CNTN5: variants seen among roughly 807,000 people sequenced by gnomAD.
The protein encoded by CNTN5 is contactin 5, also known as contactin-5.
A neutral mutation model predicts 129.1 loss-of-function variants in CNTN5; 77 were observed. That is an observed-to-expected ratio of 0.60 (90% CI 0.50 to 0.72). The LOEUF is 0.72. Ranked by LOEUF, CNTN5 falls within the 30% of genes least tolerant of loss-of-function variation. CNTN5 has a pLI of 0.00. For synonymous variants in CNTN5, 509 were observed against 465.6 expected, an observed-to-expected ratio of 1.09 and a Z score of -1.20; for missense variants, 1,478 against 1,328.8, an observed-to-expected ratio of 1.11 and a Z score of -1.75.
intron 6 of CNTN5, among the ~76,000 whole-genome samples, chr11:99,913,676 C>T (rs958980094): frequency 2.6e-5 from 4 of 151,932 alleles, no homozygotes; most frequent in African/African-American, 4.8e-5. Flanking sequence ...ATTTTCTTTT[C>T]TTTGTGTGTT....
rs1370877499 is a variant in CNTN5, at chr11:100,046,055, C to A, written c.981-15157C>A. On this transcript the variant is annotated intron_variant, in intron 9 of 24. Coordinates refer to ENST00000524871, the MANE Select transcript of CNTN5 (RefSeq NM_014361.4). Reference sequence around the variant, plus strand: ...ATGGGCCATGCTGGTGTGCTGCACCCATTAACTCACTCATAGGTGGGAATT... The same window carrying A: ...ATGGGCCATGCTGGTGTGCTGCACCAATTAACTCACTCATAGGTGGGAATT... Among the ~76,000 whole-genome samples, 4 of 146,258 alleles carry A rather than the reference C, an allele frequency of 2.7e-5. No individual in the cohort carries two copies. In the East Asian group the frequency reaches 8.1e-4, roughly 30 times the overall value.
chr11:99,499,902 G>A (rs1485130390), intron 2 of CNTN5, among the ~76,000 whole-genome samples: 5 of 152,234 alleles, frequency 3.3e-5, no homozygotes, highest in Non-Finnish European at 5.9e-5. Flanking sequence ...CATAGAAAAA[G>A]TTAGACTTAC....
intron 10 of CNTN5, among the ~76,000 whole-genome samples, chr11:100,063,121 G>A (rs1943549047): frequency 6.6e-6 from 1 of 152,036 alleles, no homozygotes; most frequent in African/African-American, 2.4e-5. Context: ...CACCTAAATA[G>A]AATTAGATTG....
intron 21 of CNTN5, among the ~76,000 whole-genome samples, chr11:100,311,908 A>C (rs1951480736): frequency 6.6e-6 from 1 of 152,078 alleles, no homozygotes; most frequent in Non-Finnish European, 1.5e-5. Flanking sequence ...AGCTTCATTC[A>C]AAATAACTTA....
At chr11:99,811,999 A>G (rs888565263) in intron 3 of CNTN5, among the ~76,000 whole-genome samples, 2 of 152,128 alleles carry the variant, frequency 1.3e-5, no homozygotes, top group East Asian at 1.9e-4. Flanking sequence ...GATGCTAATT[A>G]TCCGTCCTGT....
chr11:99,534,720 T>G (rs1947839255), intron 2 of CNTN5, among the ~76,000 whole-genome samples: 1 of 152,190 alleles, frequency 6.6e-6, no homozygotes, highest in Non-Finnish European at 1.5e-5. Flanking sequence ...ATCACACTAA[T>G]AAATGTGTAA....
intron 1 of CNTN5, among the ~76,000 whole-genome samples, chr11:99,156,361 ATTT>A (rs909224903): frequency 6.6e-6 from 1 of 152,030 alleles, no homozygotes; most frequent in Non-Finnish European, 1.5e-5. Context: ...CAATAATTGG[ATTT>A]TTTTATCATC....
chr11:99,446,545 A>G (rs758485260), intron 2 of CNTN5, among the ~76,000 whole-genome samples: 2 of 152,192 alleles, frequency 1.3e-5, no homozygotes, highest in Non-Finnish European at 2.9e-5. Flanking sequence ...AAAGATGTAA[A>G]GTTAGCCTTG....
intron 3 of CNTN5, among the ~76,000 whole-genome samples, chr11:99,812,995 CTGGTAAAATCTTACCAATTTACCAAT>C (rs147637330): frequency 0.16 from 24,277 of 151,766 alleles, 2,033 homozygotes; most frequent in Non-Finnish European, 0.17. Context: ...ATTTTACCAA[CTGGTAAAATCTTACCAATTTACCAAT>C]TGGTAAAATC....
At chr11:100,242,836 C>A (rs1405059675) in intron 16 of CNTN5, among the ~76,000 whole-genome samples, 1 of 152,182 alleles carries the variant, frequency 6.6e-6, no homozygotes, top group Non-Finnish European at 1.5e-5. Context: ...AGACTAATTA[C>A]ATTTTTAAAA....
chr11:99,841,860 A>C (rs1384991250), intron 4 of CNTN5, among the ~76,000 whole-genome samples: 1 of 137,864 alleles, frequency 7.3e-6, no homozygotes, highest in African/African-American at 2.6e-5. Flanking sequence ...ACATATATAT[A>C]CACACATATA....
At chr11:99,133,601 G>T (rs1215462489) in intron 1 of CNTN5, among the ~76,000 whole-genome samples, 1 of 43,686 alleles carries the variant, frequency 2.3e-5, no homozygotes, top group African/African-American at 1.1e-4. Flanking sequence ...CAAAGGATAG[G>T]AACAGACACT....
chr11:99,127,401 T>G (rs1858694564), intron 1 of CNTN5, among the ~76,000 whole-genome samples: 2 of 152,188 alleles, frequency 1.3e-5, no homozygotes, highest in Admixed American at 1.3e-4. Flanking sequence ...TAATATTATC[T>G]TCTCATCCGG....
intron 13 of CNTN5, among the ~76,000 whole-genome samples, chr11:100,103,348 C>T (rs1945292363): frequency 6.6e-6 from 1 of 152,092 alleles, no homozygotes; most frequent in African/African-American, 2.4e-5. Flanking sequence ...AGTATTTTGC[C>T]TAATTCTGAT....
At chr11:99,744,542 TTAA>T (rs1943986367) in intron 3 of CNTN5, among the ~76,000 whole-genome samples, 1 of 14,216 alleles carries the variant, frequency 7.0e-5, no homozygotes. Flanking sequence ...CTACAAAAAG[TTAA>T]AAAAAAAAAA....
rs869133131 is a variant in CNTN5 at position 99,637,010 on chromosome 11, C to CAAAAAAAAAAAAAAA, written c.55+80758_55+80772dup. On this transcript the variant is annotated intron_variant, in intron 3 of 24. Transcript: ENST00000524871. ...CCTGGTGACAGAGCTAACTTTGTCT[C>CAAAAAAAAAAAAAAA]AAAAAAAAAAAAAAAAAAAAAAAAA... Among the ~76,000 whole-genome samples, 56 of 7,822 alleles carry CAAAAAAAAAAAAAAA rather than the reference C, an allele frequency of 7.2e-3. 13 individuals are homozygous for CAAAAAAAAAAAAAAA. Among genetic ancestry groups the CAAAAAAAAAAAAAAA allele is most frequent in the South Asian group, 0.027 (2 of 74 alleles). 5.1% of individuals were successfully genotyped at this position (7,822 alleles called of 152,430 possible). A position where few individuals can be genotyped will look rare whatever the true frequency, so the allele number is the denominator to read the frequency against.
rs200635742 is a variant in CNTN5, at chr11:99,934,898, GTATA to G, written c.673+18796_673+18799del. Among the ~76,000 whole-genome samples, 94 of 67,874 alleles carry G rather than the reference GTATA, an allele frequency of 1.4e-3. 1 individual carries two copies. The highest frequency in any genetic ancestry group is 0.011 in the East Asian group (23 of 2,174). The allele number at this position is 67,874 out of a possible 152,430, so 44.5% of individuals were successfully genotyped here. On this transcript the variant is annotated intron_variant, in intron 7 of 24. Coordinates refer to ENST00000524871, the MANE Select transcript of CNTN5 (RefSeq NM_014361.4). Reference sequence around the variant, plus strand: ...TGTGTGTGTGTGTGTGTGTGTGTGTGTATATATATATATATATATATATATATAT... The same window carrying G: ...TGTGTGTGTGTGTGTGTGTGTGTGTGTATATATATATATATATATATATAT...
chr11:99,382,577 T>C (rs983421339), intron 2 of CNTN5, among the ~76,000 whole-genome samples: 1 of 152,164 alleles, frequency 6.6e-6, no homozygotes, highest in African/African-American at 2.4e-5. Flanking sequence ...TTTACGAGAC[T>C]TATTTGTTCT....
rs201747311 is a variant in CNTN5 at position 100,340,530 on chromosome 11, C to T, written c.2798C>T (p.Ser933Phe). The T allele has an allele frequency of 5.0e-5, 80 of 1,613,190 alleles. No individual in the cohort carries two copies. The South Asian group carries it at 7.9e-4, about 16-fold the overall frequency. The change falls in exon 22 of 25, where the codon TCT (serine) becomes TTT (phenylalanine). Residue 933 changes from serine to phenylalanine, a missense_variant. By Grantham distance (155) the Ser-to-Phe change is radical. Transcript: ENST00000524871. ...AETVKTRGNE[S>F]FVILTGLEGN... The stretch of plus-strand genomic sequence containing the variant: ...ACAGTCAAAACTAGAGGGAATGAGT[C>T]TTTCGTCATCCTAACAGGATTAGAA...
Sources: gnomAD v4.1 joint callset for allele counts (sites outside exome capture counted in the v4.1 genomes callset) on GRCh38, gnomAD v4.1.1 for gene constraint, MANE v1.5 for transcripts, NCBI Gene and HGNC (gene_info 2026-07-23, HGNC 2026-07-21) for gene names.